The following ALDH1A2 variants were observed in gnomAD, a reference collection of about 807,000 sequenced individuals.
ALDH1A2 encodes the protein aldehyde dehydrogenase 1 family member A2, also known as retinal dehydrogenase 2.
A neutral mutation model predicts 60.3 loss-of-function variants in ALDH1A2; 27 were observed. The observed-to-expected ratio is 0.45, with a 90% confidence interval of 0.33 to 0.62. ALDH1A2 has a LOEUF of 0.62. Among genes scored for constraint, ALDH1A2 ranks in the 20% least tolerant of loss-of-function variants. The pLI, the probability that ALDH1A2 is intolerant of heterozygous loss-of-function variation, is 0.02. For synonymous variants in ALDH1A2, 289 were observed against 232.4 expected (o/e 1.24, Z -2.21); for missense variants, 581 against 643.8 (o/e 0.90, Z 1.06).
At chr15:57,979,314 C>G (rs555151469) in intron 7 of ALDH1A2, among the ~76,000 whole-genome samples, 10 of 152,254 alleles carry the variant, frequency 6.6e-5, no homozygotes, top group Middle Eastern at 3.4e-3. Context: ...TTTGTTAATG[C>G]ATCCTGAAAC....
Position 57,982,859 on chromosome 15 carries a change from C to A in ALDH1A2, c.798+9846G>T, listed in dbSNP as rs143482948. Reference sequence around the variant, plus strand: ...ACTATTAACTACTCTCACTAGAACACTGAGGCTACATGTTTAGCAGTCACT... The same window carrying A: ...ACTATTAACTACTCTCACTAGAACAATGAGGCTACATGTTTAGCAGTCACT... On this transcript the variant is annotated intron_variant, in intron 7 of 12. Coordinates refer to ENST00000249750, the MANE Select transcript of ALDH1A2 (RefSeq NM_003888.4). Among the ~76,000 whole-genome samples, 589 of 152,272 alleles carry A rather than the reference C, an allele frequency of 3.9e-3. 9 individuals are homozygous for A. The highest frequency in any genetic ancestry group is 0.013 in the African/African-American group (556 of 41,558).
chr15:58,001,537 G>A (rs1303969491), intron 4 of ALDH1A2, among the ~76,000 whole-genome samples: 3 of 151,884 alleles, frequency 2.0e-5, no homozygotes, highest in African/African-American at 4.8e-5. Flanking sequence ...GAGCCAACTC[G>A]AAATGGAGAC....
intron 4 of ALDH1A2, among the ~76,000 whole-genome samples, chr15:58,001,502 C>A (rs574890285): frequency 5.7e-4 from 86 of 152,004 alleles, no homozygotes; most frequent in African/African-American, 2.0e-3. Context: ...CAGGACTAAG[C>A]GCCTCTCTCC....
chr15:57,983,780 TG>T (rs1482968077), intron 7 of ALDH1A2, among the ~76,000 whole-genome samples: 1 of 152,224 alleles, frequency 6.6e-6, no homozygotes, highest in Non-Finnish European at 1.5e-5. Flanking sequence ...TGGGCTAGAC[TG>T]AATCACATAA....
At chr15:58,054,572 C>T (rs1433612684) in intron 1 of ALDH1A2, among the ~76,000 whole-genome samples, 2 of 151,898 alleles carry the variant, frequency 1.3e-5, no homozygotes, top group African/African-American at 4.8e-5. Context: ...TGGAACATAC[C>T]CACCCAACTC....
At chr15:58,013,822 T>A in intron 3 of ALDH1A2, 36 bp downstream of exon 3, 1 of 1,612,440 alleles carries the variant, frequency 6.2e-7, no homozygotes, top group Non-Finnish European at 8.5e-7. Flanking sequence ...ATGGCAAATG[T>A]GGGTTAAAGA....
intron 7 of ALDH1A2, among the ~76,000 whole-genome samples, chr15:57,966,563 C>G (rs780586631): frequency 5.3e-5 from 8 of 152,198 alleles, no homozygotes; most frequent in Non-Finnish European, 1.0e-4. Context: ...GGGAGACAGC[C>G]TGCAGCTGTC....
chr15:58,013,569 T>C (rs1167598920), intron 3 of ALDH1A2, among the ~76,000 whole-genome samples: 1 of 151,986 alleles, frequency 6.6e-6, no homozygotes, highest in African/African-American at 2.4e-5. Context: ...CTGACCAACA[T>C]AGTGAAACCC....
At chr15:58,046,715 A>G (rs1196489870) in intron 1 of ALDH1A2, among the ~76,000 whole-genome samples, 1 of 152,078 alleles carries the variant, frequency 6.6e-6, no homozygotes, top group African/African-American at 2.4e-5. Flanking sequence ...ATAGCTGGTT[A>G]AAATGGGAGT....
intron 7 of ALDH1A2, among the ~76,000 whole-genome samples, chr15:57,971,990 A>C (rs1003553282): frequency 1.1e-4 from 16 of 152,120 alleles, no homozygotes; most frequent in Non-Finnish European, 1.0e-4. Context: ...TTGATCTCCC[A>C]AAGTGCTAGA....
chr15:58,034,119 G>A (rs1049915212), intron 1 of ALDH1A2, among the ~76,000 whole-genome samples: 9 of 151,704 alleles, frequency 5.9e-5, no homozygotes, highest in South Asian at 2.1e-4. Flanking sequence ...TATCGATAGT[G>A]TATCTCTCCA....
intron 1 of ALDH1A2, among the ~76,000 whole-genome samples, chr15:58,063,708 G>T (rs1897099772): frequency 6.6e-6 from 1 of 152,276 alleles, no homozygotes; most frequent in South Asian, 2.1e-4. Context: ...GTTACTCAGT[G>T]TTTATGAGGG....
At chr15:57,961,979 A>G (rs754420323) in intron 10 of ALDH1A2, 33 bp downstream of exon 10, 2 of 1,613,584 alleles carry the variant, frequency 1.2e-6, no homozygotes, top group Non-Finnish European at 1.7e-6. Flanking sequence ...CCCAAGAAAG[A>G]TGTGGCTTTT....
At chr15:58,024,054 T>C (rs767079255) in intron 1 of ALDH1A2, among the ~76,000 whole-genome samples, 6 of 152,016 alleles carry the variant, frequency 3.9e-5, no homozygotes, top group African/African-American at 9.7e-5. Flanking sequence ...GATTGCACCA[T>C]TGCACTCCAG....
At chr15:57,995,183 G>T in intron 4 of ALDH1A2, 44 bp from the exon 5 acceptor site, 4 of 710,070 alleles carry the variant, frequency 5.6e-6, no homozygotes, top group Non-Finnish European at 5.8e-6. Flanking sequence ...TTTAGATTAG[G>T]AAAAAAAATG....
intron 1 of ALDH1A2, among the ~76,000 whole-genome samples, chr15:58,030,383 T>G (rs1210970722): frequency 4.6e-5 from 7 of 152,094 alleles, no homozygotes; most frequent in Non-Finnish European, 8.8e-5. Flanking sequence ...ATTGATAGAA[T>G]GTATCTCAAA....
chr15:58,065,612 C>T lies in ALDH1A2; in HGVS notation c.39G>A (p.Lys13=), dbSNP rs767015172. Residue 13 remains lysine, a synonymous_variant, in exon 1 of 13, where the codon AAG becomes AAA. Transcript: ENST00000249750. The part of the protein sequence containing the change: ...SSKIEMPGEV[K]ADPAALMASL... ...ACGCCATGAGGGCGGCGGGGTCGGC[C>T]TTCACCTCGCCGGGCATCTCTATCT... The T allele has an allele frequency of 1.9e-6, 3 of 1,609,258 alleles. No homozygotes were observed. In the South Asian group the frequency reaches 3.3e-5, roughly 18 times the overall value.
At chr15:57,995,488 T>C (rs1459952264) in intron 4 of ALDH1A2, among the ~76,000 whole-genome samples, 4 of 152,238 alleles carry the variant, frequency 2.6e-5, no homozygotes, top group East Asian at 1.9e-4. Flanking sequence ...TGTAGAACAG[T>C]TGTTTGATTT....
intron 4 of ALDH1A2, among the ~76,000 whole-genome samples, chr15:58,002,487 C>T (rs531168248): frequency 2.6e-5 from 4 of 151,954 alleles, no homozygotes; most frequent in South Asian, 4.1e-4. Context: ...AATTTTTAGT[C>T]TCATAAAAAT....
Sources: gnomAD v4.1 joint callset for allele counts (sites outside exome capture counted in the v4.1 genomes callset) on GRCh38, gnomAD v4.1.1 for gene constraint, MANE v1.5 for transcripts, NCBI Gene and HGNC (gene_info 2026-07-23, HGNC 2026-07-21) for gene names.